CCL28: variants seen among roughly 807,000 people sequenced by gnomAD.
CCL28 encodes C-C motif chemokine 28.
In CCL28, 4 loss-of-function variants were observed where a neutral mutation model predicts 7.1. The observed-to-expected ratio is 0.56, with a 90% CI of 0.28 to 1.29. CCL28 has a LOEUF of 1.29. CCL28 is among the 50% of genes most tolerant of loss of function. The pLI is 0.11. For missense variants in CCL28, 151 were observed against 163.4 expected (o/e 0.92, Z 0.41); for synonymous variants, 55 against 57.8 (o/e 0.95, Z 0.22).
intron 1 of CCL28, among the ~76,000 whole-genome samples, chr5:43,401,299 C>G (rs1741025970): frequency 6.6e-6 from 1 of 152,050 alleles, no homozygotes; most frequent in Non-Finnish European, 1.5e-5. Flanking sequence ...CTGCCAGGTA[C>G]TTTTTGGAAC....
chr5:43,358,865 A>G, the CCL28 span, among the ~76,000 whole-genome samples: 5 of 152,216 alleles, frequency 3.3e-5, no homozygotes, highest in African/African-American at 1.2e-4. Flanking sequence ...ACAGCAAGAG[A>G]GGTCTAGCAT....
chr5:43,381,857 T>C lies in CCL28; in HGVS notation c.*3A>G. ...TGTCTCTGTAGATTTATCTGTAGAC[T>C]CTCTAATAAGGAGTTTTATGGCCGT... On this transcript the variant is annotated 3_prime_UTR_variant, in exon 3 of 3. Transcript: ENST00000361115. 1 of 1,609,782 alleles carries C rather than the reference T, an allele frequency of 6.2e-7. No homozygotes were observed. The highest frequency in any genetic ancestry group is 8.5e-7 in the Non-Finnish European group (1 of 1,177,032).
intron 1 of CCL28, among the ~76,000 whole-genome samples, chr5:43,395,330 T>C (rs764040128): frequency 7.9e-5 from 12 of 152,166 alleles, no homozygotes; most frequent in Non-Finnish European, 1.8e-4. Flanking sequence ...CAGTCATGGC[T>C]CCTTTTTTAA....
At chr5:43,402,161 G>C (rs1346199227) in intron 1 of CCL28, among the ~76,000 whole-genome samples, 1 of 152,166 alleles carries the variant, frequency 6.6e-6, no homozygotes, top group African/African-American at 2.4e-5. Flanking sequence ...ATCTCAGCTG[G>C]GGAGGGTAAG....
intron 1 of CCL28, among the ~76,000 whole-genome samples, chr5:43,394,251 T>G (rs1740707920): frequency 6.6e-6 from 1 of 152,224 alleles, no homozygotes; most frequent in Non-Finnish European, 1.5e-5. Flanking sequence ...ATCTCAAAAC[T>G]TGATACAATA....
intron 1 of CCL28, among the ~76,000 whole-genome samples, chr5:43,411,248 C>T (rs1386080575): frequency 1.3e-5 from 2 of 152,154 alleles, no homozygotes; most frequent in Non-Finnish European, 2.9e-5. Context: ...CTGCTCTAGA[C>T]TTAGAGAATC....
the CCL28 span, among the ~76,000 whole-genome samples, chr5:43,368,386 C>G: frequency 6.6e-6 from 1 of 152,158 alleles, no homozygotes; most frequent in African/African-American, 2.4e-5. Flanking sequence ...CAGGTGGCCA[C>G]CAGCTAAGAA....
intron 2 of CCL28, among the ~76,000 whole-genome samples, chr5:43,387,653 G>A (rs902355870): frequency 1.3e-5 from 2 of 152,002 alleles, no homozygotes; most frequent in African/African-American, 2.4e-5. Context: ...TTTTTGAGAC[G>A]GGATTTAACT....
intron 1 of CCL28, among the ~76,000 whole-genome samples, chr5:43,410,460 C>A (rs1741489961): frequency 6.6e-6 from 1 of 152,212 alleles, no homozygotes; most frequent in African/African-American, 2.4e-5. Context: ...TCGAGACTAA[C>A]CCAAAAGGCT....
chr5:43,411,350 TAGTG>T (rs1430878382), intron 1 of CCL28, among the ~76,000 whole-genome samples: 1 of 152,220 alleles, frequency 6.6e-6, no homozygotes, highest in Non-Finnish European at 1.5e-5. Context: ...CTGAATATAG[TAGTG>T]AGTGCTACTT....
chr5:43,377,097 C>T (rs1739907294), downstream of CCL28: 3 of 152,212 alleles, frequency 2.0e-5, no homozygotes, highest in Admixed American at 2.0e-4. Context: ...ATGTTTCTCA[C>T]CCTCTCTTCT....
chr5:43,376,710 T>C (rs1368387463), downstream of CCL28: 1 of 152,276 alleles, frequency 6.6e-6, no homozygotes, highest in African/African-American at 2.4e-5. Context: ...TTCTTAAATC[T>C]CTGAAGAGTT....
At position 43,409,839 on chromosome 5, in the gene CCL28, G is replaced by A. The variant is rs574166864; in HGVS notation, c.64+2414C>T. On this transcript the variant is annotated intron_variant, in intron 1 of 2. Transcript: ENST00000361115. ...TTAAATAATCAGGCTCAGGGCCACC[G>A]AAACAGGATGATAGACATGTTTATG... Among the ~76,000 whole-genome samples the A allele has an allele frequency of 7.2e-5, 11 of 152,134 alleles. No homozygotes were observed. The South Asian group carries it at 1.0e-3, about 14-fold the overall frequency.
At chr5:43,376,114 C>A (rs551909480), downstream of CCL28, among the ~76,000 whole-genome samples, 1 of 152,294 alleles carries the variant, frequency 6.6e-6, no homozygotes, top group African/African-American at 2.4e-5. Flanking sequence ...TGATTTGTGA[C>A]CTTAATTACA....
chr5:43,363,936 T>A, the CCL28 span, among the ~76,000 whole-genome samples: 1 of 152,154 alleles, frequency 6.6e-6, no homozygotes, highest in Non-Finnish European at 1.5e-5. Flanking sequence ...CAATTGAGAC[T>A]AGTGAATCAT....
downstream of CCL28, among the ~76,000 whole-genome samples, chr5:43,372,650 C>T (rs749960603): frequency 1.3e-5 from 2 of 151,342 alleles, no homozygotes; most frequent in East Asian, 2.0e-4. Flanking sequence ...ATTACAAGGG[C>T]GAGCCACCAT....
At chr5:43,370,617 G>A in the CCL28 span, among the ~76,000 whole-genome samples, 6 of 151,838 alleles carry the variant, frequency 4.0e-5, no homozygotes, top group Admixed American at 6.6e-5. Flanking sequence ...CTGGGTCACT[G>A]GGTCACTGGG....
At chr5:43,394,722 T>C (rs1740729216) in intron 1 of CCL28, among the ~76,000 whole-genome samples, 1 of 152,110 alleles carries the variant, frequency 6.6e-6, no homozygotes, top group Non-Finnish European at 1.5e-5. Context: ...AAATCGTCAT[T>C]TTCATCTCTT....
chr5:43,410,137 C>G (rs1240863669), intron 1 of CCL28, among the ~76,000 whole-genome samples: 1 of 152,224 alleles, frequency 6.6e-6, no homozygotes, highest in Non-Finnish European at 1.5e-5. Context: ...ATTCCCCTTG[C>G]CAAGGCCACC....
Sources: allele counts gnomAD v4.1 joint callset (sites outside exome capture counted in the v4.1 genomes callset), GRCh38; gene constraint gnomAD v4.1.1; transcripts MANE v1.5; gene names NCBI Gene and HGNC (gene_info 2026-07-23, HGNC 2026-07-21).